Variants in CSMD1 observed in about 807,000 individuals in gnomAD.
CSMD1 encodes the protein CUB and Sushi multiple domains 1, also known as CUB and sushi domain-containing protein 1.
Under a neutral mutation model 417.5 loss-of-function variants are expected in CSMD1, and 213 were observed. The observed-to-expected ratio is 0.51, with a 90% CI of 0.46 to 0.57. The LOEUF (loss-of-function observed/expected upper bound fraction) is 0.57. CSMD1 is among the 20% of genes least tolerant of loss of function. The pLI is 0.00. For synonymous variants in CSMD1, 2,862 were observed against 1,736.8 expected, an observed-to-expected ratio of 1.65 and a Z score of -16.11; for missense variants, 6,923 against 4,529.7, an observed-to-expected ratio of 1.53 and a Z score of -15.17.
chr8:2,966,409 A>G (rs1803960854), intron 58 of CSMD1, among the ~76,000 whole-genome samples, 161 bp downstream of exon 58: 1 of 152,200 alleles, frequency 6.6e-6, no homozygotes, highest in South Asian at 2.1e-4. Flanking sequence ...AAAATCTTAA[A>G]GTACTTAAGA....
Position 3,456,727 on chromosome 8 carries a change from T to A in CSMD1, c.1561+11985A>T, listed in dbSNP as rs1156459525. Among the ~76,000 whole-genome samples, 7 of 152,250 alleles carry A rather than the reference T, an allele frequency of 4.6e-5. No homozygotes were observed. In the East Asian group the frequency reaches 1.4e-3, roughly 29 times the overall value. ...CCCATAAAGACGAAATATTTGGAGC[T>A]GTTGATTTCTCTCTTTCAGAAGTGG... is the stretch of plus-strand genomic sequence containing the variant. On this transcript the variant is annotated intron_variant, in intron 12 of 69. Transcript: ENST00000635120.
chr8:4,255,800 G>T (rs1360937999), intron 3 of CSMD1, among the ~76,000 whole-genome samples: 1 of 152,140 alleles, frequency 6.6e-6, no homozygotes, highest in Non-Finnish European at 1.5e-5. Flanking sequence ...CCATTCCATG[G>T]CCTCCTCTGG....
At chr8:3,289,162 T>C (rs1334960267) in intron 25 of CSMD1, among the ~76,000 whole-genome samples, 4 of 147,612 alleles carry the variant, frequency 2.7e-5, no homozygotes, top group African/African-American at 5.4e-5. Context: ...GAACTCATCA[T>C]TTTTTATGGC....
intron 6 of CSMD1, among the ~76,000 whole-genome samples, chr8:3,750,247 G>T (rs1003433891): frequency 6.6e-6 from 1 of 151,562 alleles, no homozygotes; most frequent in Non-Finnish European, 1.5e-5. Flanking sequence ...CTACAATAAC[G>T]TTAAAAAGAT....
intron 1 of CSMD1, among the ~76,000 whole-genome samples, chr8:4,785,143 G>C (rs887660944): frequency 6.6e-6 from 1 of 152,192 alleles, no homozygotes; most frequent in African/African-American, 2.4e-5. Flanking sequence ...ATGTGGAAAA[G>C]ATAGCATGTT....
intron 37 of CSMD1, among the ~76,000 whole-genome samples, chr8:3,168,699 T>TGAAAA (rs1307158126): frequency 6.6e-6 from 1 of 151,972 alleles, no homozygotes; most frequent in African/African-American, 2.4e-5. Flanking sequence ...TAGTACCTTA[T>TGAAAA]GAAAAGAAAA....
intron 6 of CSMD1, among the ~76,000 whole-genome samples, chr8:3,742,468 G>C (rs1040194077): frequency 6.6e-6 from 1 of 152,076 alleles, no homozygotes; most frequent in Non-Finnish European, 1.5e-5. Context: ...ATAGGCCTGC[G>C]GTCTATGATT....
intron 8 of CSMD1, among the ~76,000 whole-genome samples, chr8:3,604,548 T>C (rs1371798841): frequency 6.6e-6 from 1 of 152,084 alleles, no homozygotes; most frequent in African/African-American, 2.4e-5. Context: ...GATATCAGTG[T>C]ATGCATCTGC....
intron 46 of CSMD1, among the ~76,000 whole-genome samples, chr8:3,101,385 TAAG>T (rs1454121050): frequency 6.6e-6 from 1 of 152,230 alleles, no homozygotes; most frequent in Admixed American, 6.5e-5. Context: ...TTTTCTACAT[TAAG>T]ATGAGTGTCT....
chr8:4,574,862 A>G (rs769984774), intron 2 of CSMD1, among the ~76,000 whole-genome samples: 6 of 152,260 alleles, frequency 3.9e-5, no homozygotes, highest in Non-Finnish European at 8.8e-5. Flanking sequence ...TTCTTCGTCC[A>G]AAATTTAATT....
chr8:3,743,539 G>A (rs1206658535), intron 6 of CSMD1, among the ~76,000 whole-genome samples: 1 of 152,132 alleles, frequency 6.6e-6, no homozygotes, highest in African/African-American at 2.4e-5. Context: ...TGGTTGCAGG[G>A]TGTGAAAGAA....
intron 1 of CSMD1, among the ~76,000 whole-genome samples, chr8:4,985,936 T>A (rs144040708): frequency 6.6e-6 from 1 of 152,340 alleles, no homozygotes; most frequent in Non-Finnish European, 1.5e-5. Context: ...AATTGTCTGA[T>A]GAATTGTTAG....
chr8:4,962,655 G>C lies in CSMD1; in HGVS notation c.85+31677C>G, dbSNP rs7011965. On this transcript the variant is annotated intron_variant, in intron 1 of 69. Transcript: ENST00000635120. ...CTCTGCCATCACTTCAATTTATTCA[G>C]TGAAGAATACTGCAGTCTCTTGCTC... Among the ~76,000 whole-genome samples the C allele has an allele frequency of 5.9e-5, 9 of 152,120 alleles. No individual in the cohort carries two copies. In the South Asian group the frequency reaches 1.4e-3, roughly 24 times the overall value.
intron 1 of CSMD1, among the ~76,000 whole-genome samples, chr8:4,783,965 A>G (rs1797280394): frequency 6.6e-6 from 1 of 152,238 alleles, no homozygotes; most frequent in Non-Finnish European, 1.5e-5. Context: ...AAGTTCCCAC[A>G]GATTGGATGA....
chr8:4,378,825 A>C (rs1397951664), intron 3 of CSMD1, among the ~76,000 whole-genome samples: 2 of 152,280 alleles, frequency 1.3e-5, no homozygotes, highest in South Asian at 2.1e-4. Flanking sequence ...CCCTTCTGCC[A>C]TGTGAGGACA....
chr8:3,161,910 G>C (rs1438978691), intron 38 of CSMD1, among the ~76,000 whole-genome samples: 1 of 152,074 alleles, frequency 6.6e-6, no homozygotes, highest in Non-Finnish European at 1.5e-5. Context: ...ATAGTTATTG[G>C]GAACGCATAT....
intron 26 of CSMD1, among the ~76,000 whole-genome samples, chr8:3,281,853 G>C (rs571345655): frequency 2.4e-4 from 36 of 152,240 alleles, no homozygotes; most frequent in Admixed American, 5.2e-4. Flanking sequence ...GGGTTGATTG[G>C]ATCATGGGGG....
At chr8:3,584,523 T>A (rs1031169338) in intron 9 of CSMD1, among the ~76,000 whole-genome samples, 1 of 138,428 alleles carries the variant, frequency 7.2e-6, no homozygotes, top group East Asian at 2.1e-4. Context: ...GTTTCCTAAG[T>A]GATAAGCACC....
chr8:4,700,470 T>A (rs1194972471), intron 1 of CSMD1, among the ~76,000 whole-genome samples: 1 of 152,146 alleles, frequency 6.6e-6, no homozygotes, highest in Admixed American at 6.5e-5. Flanking sequence ...ACAACCTGCA[T>A]ATTCTTTAAA....
Sources: allele counts gnomAD v4.1 joint callset (sites outside exome capture counted in the v4.1 genomes callset), GRCh38; gene constraint gnomAD v4.1.1; transcripts MANE v1.5; gene names NCBI Gene and HGNC (gene_info 2026-07-23, HGNC 2026-07-21).